The following SMAP2 variants were observed in gnomAD, a reference collection of about 807,000 sequenced individuals.
The protein encoded by SMAP2 is stromal membrane-associated protein 2.
SMAP2 carries 25 observed loss-of-function variants against 56.4 expected under a neutral mutation model. That is an observed-to-expected ratio of 0.44 (90% CI 0.32 to 0.62). The LOEUF (loss-of-function observed/expected upper bound fraction) is 0.62. SMAP2 is among the 20% of genes least tolerant of loss of function. The pLI, the probability that SMAP2 is intolerant of heterozygous loss-of-function variation, is 0.04. For missense variants in SMAP2, 388 were observed against 545.6 expected, an observed-to-expected ratio of 0.71 and a Z score of 2.88; for synonymous variants, 157 against 181.7, an observed-to-expected ratio of 0.86 and a Z score of 1.09.
At chr1:40,382,291 A>C (rs754401688) in intron 1 of SMAP2, among the ~76,000 whole-genome samples, 1 of 152,024 alleles carries the variant, frequency 6.6e-6, no homozygotes, top group South Asian at 2.1e-4. Context: ...GCGACATTCT[A>C]CTTGTTATGT....
At position 40,408,702 on chromosome 1, in the gene SMAP2, A is replaced by T; in HGVS notation, c.287A>T (p.Tyr96Phe). 1 of 1,614,014 alleles carries T rather than the reference A, an allele frequency of 6.2e-7. No homozygotes were observed. Among genetic ancestry groups the T allele is most frequent in the East Asian group, 2.2e-5 (1 of 44,882 alleles). The change falls in exon 3 of 10, where the codon TAT becomes TTT. Residue 96 changes from tyrosine (Y) to phenylalanine (F), a missense_variant. Coordinates refer to ENST00000372718, the MANE Select transcript of SMAP2 (RefSeq NM_022733.3). This position sits in a 1 kb window ranked among gnomAD's most constrained non-coding sequence, Gnocchi z 4.3. Reference protein sequence around the residue: ...NGKANRLYEAYLPETFRRPQI... With the variant: ...NGKANRLYEAFLPETFRRPQI... ...AAGGCAAACCGACTTTATGAAGCCT[A>T]TCTTCCTGAGACCTTTCGGCGACCT...
chr1:40,348,505 G>A (rs914732116), intron 1 of SMAP2, among the ~76,000 whole-genome samples: 2 of 152,064 alleles, frequency 1.3e-5, no homozygotes, highest in African/African-American at 4.8e-5. Context: ...GACCAGCCTG[G>A]CCAACACGGT....
rs185740980 is a variant in SMAP2, at chr1:40,348,421, A to G, written c.-83+3511A>G. On this transcript the variant is annotated intron_variant, in intron 1 of 6. Coordinates refer to the SMAP2 transcript ENST00000435168. ...GTTGAAATATAATTTTAGGCCAGGC[A>G]CAGTGGCTCACGCCTGTAATCCTAG... is the stretch of plus-strand genomic sequence containing the variant. Among the ~76,000 whole-genome samples the G allele has an allele frequency of 5.0e-4, 76 of 152,044 alleles. No individual in the cohort carries two copies. In the East Asian group the frequency reaches 0.014, roughly 28 times the overall value.
chr1:40,398,716 C>T (rs1191069303), intron 1 of SMAP2, among the ~76,000 whole-genome samples: 1 of 152,166 alleles, frequency 6.6e-6, no homozygotes, highest in East Asian at 1.9e-4. Context: ...GTTGCCCAGG[C>T]TGGCCTCAAA....
chr1:40,373,108 G>C (rs992987397), upstream of SMAP2, among the ~76,000 whole-genome samples: 3 of 152,176 alleles, frequency 2.0e-5, no homozygotes, highest in African/African-American at 4.8e-5. Context: ...GCTGTTTTGT[G>C]AGAATTTAAG....
chr1:40,355,827 G>A (rs1644432887), intron 1 of SMAP2, among the ~76,000 whole-genome samples: 1 of 151,460 alleles, frequency 6.6e-6, no homozygotes, highest in Non-Finnish European at 1.5e-5. Context: ...CAAGGTTGCT[G>A]TGGAACTCCT....
chr1:40,386,166 A>G lies in SMAP2; in HGVS notation c.103+11943A>G, dbSNP rs1056889820. On this transcript the variant is annotated intron_variant, in intron 1 of 9. Coordinates refer to ENST00000372718, the MANE Select transcript of SMAP2 (RefSeq NM_022733.3). This position sits in a 1 kb window ranked among gnomAD's most constrained non-coding sequence, Gnocchi z 4.1. The stretch of plus-strand genomic sequence containing the variant: ...TTCTTACCATGATGCTTTTGTTCAA[A>G]ATAGCTGAAAACAGCAGAGCTGACG... Among the ~76,000 whole-genome samples the G allele has an allele frequency of 1.3e-5, 2 of 152,206 alleles. No individual in the cohort carries two copies. The highest frequency in any genetic ancestry group is 2.4e-5 in the African/African-American group (1 of 41,434).
At chr1:40,414,027 TTTTG>T (rs1405332105) in intron 5 of SMAP2, 128 bp from the exon 6 acceptor site, 1 of 740,754 alleles carries the variant, frequency 1.3e-6, no homozygotes, top group African/African-American at 1.8e-5. Context: ...ACTTCCTGAG[TTTTG>T]TTTCTTTGGT....
intron 9 of SMAP2, among the ~76,000 whole-genome samples, chr1:40,417,462 A>G (rs1645001028): frequency 6.6e-6 from 1 of 152,192 alleles, no homozygotes; most frequent in African/African-American, 2.4e-5. Flanking sequence ...CAATGGGCAT[A>G]TAAACACCAA....
rs927594660 is a variant in SMAP2, at chr1:40,374,855, C to G, written c.103+632C>G. 1.3e-6 allele frequency: 2 copies of G among 1,530,598 alleles called. No homozygotes were observed. Among genetic ancestry groups the G allele is most frequent in the Non-Finnish European group, 1.8e-6 (2 of 1,136,592 alleles). The allele number at this position is 1,530,598 out of a possible 1,614,324, so 94.8% of individuals were successfully genotyped here. ...TTATGCAGTGACACAGTGCGGATTT[C>G]TAGGCAGTGTAGCCCTGGCTTGTAG... On this transcript the variant is annotated intron_variant, in intron 1 of 9. Coordinates refer to ENST00000372718, the MANE Select transcript of SMAP2 (RefSeq NM_022733.3). The surrounding 1 kb of genome is among the most constrained non-coding windows in gnomAD (Gnocchi z 5.9).
intron 1 of SMAP2, chr1:40,393,568 C>G: frequency 1.6e-6 from 2 of 1,241,560 alleles, no homozygotes; most frequent in Non-Finnish European, 2.1e-6. Context: ...TTTTTTGTGA[C>G]AGAGTCTTGC....
At chr1:40,344,976 TTCTC>T (rs767313273) in intron 1 of SMAP2, 1 of 139,898 alleles carries the variant, frequency 7.1e-6, no homozygotes, top group Non-Finnish European at 1.6e-5. Context: ...CTTTCTTTCT[TTCTC>T]TTTCTTTTTC....
intron 1 of SMAP2, among the ~76,000 whole-genome samples, chr1:40,377,423 C>T (rs1644551410): frequency 6.6e-6 from 1 of 152,138 alleles, no homozygotes; most frequent in African/African-American, 2.4e-5. Flanking sequence ...TTTCTGGGAC[C>T]ACTAAACCAT....
At chr1:40,353,062 A>C (rs1275074963) in intron 1 of SMAP2, among the ~76,000 whole-genome samples, 2 of 152,198 alleles carry the variant, frequency 1.3e-5, no homozygotes, top group African/African-American at 4.8e-5. Context: ...AGCCATGTCC[A>C]GCACCCATCT....
intron 1 of SMAP2, among the ~76,000 whole-genome samples, chr1:40,345,807 G>GA (rs1458970267): frequency 6.8e-6 from 1 of 147,598 alleles, no homozygotes; most frequent in Non-Finnish European, 1.5e-5. Context: ...GAAAGGAGGG[G>GA]AAGGTATTAT....
intron 1 of SMAP2, among the ~76,000 whole-genome samples, chr1:40,348,171 T>A (rs542853937): frequency 3.9e-5 from 6 of 152,214 alleles, no homozygotes; most frequent in South Asian, 4.1e-4. Context: ...TAAAACATTT[T>A]AAAAAATCCT....
At chr1:40,349,628 C>T (rs1005725121) in intron 1 of SMAP2, among the ~76,000 whole-genome samples, 1 of 152,172 alleles carries the variant, frequency 6.6e-6, no homozygotes, top group East Asian at 1.9e-4. Flanking sequence ...AAGTGATTCT[C>T]GTGCCTCAGC....
chr1:40,414,480 C>T (rs993011214), intron 6 of SMAP2, among the ~76,000 whole-genome samples: 4 of 152,358 alleles, frequency 2.6e-5, no homozygotes, highest in African/African-American at 7.2e-5. Context: ...GAGCCAGTGT[C>T]GCTCTGTGTT....
intron 1 of SMAP2, among the ~76,000 whole-genome samples, chr1:40,394,989 A>G (rs1223761049): frequency 1.3e-5 from 2 of 152,168 alleles, no homozygotes; most frequent in African/African-American, 2.4e-5. Context: ...TGGCATCTAT[A>G]TACACAGTTT....
Sources: allele counts gnomAD v4.1 joint callset (sites outside exome capture counted in the v4.1 genomes callset), GRCh38; gene constraint gnomAD v4.1.1; non-coding constraint Gnocchi (gnomAD v3.1); transcripts MANE v1.5; gene names NCBI Gene and HGNC (gene_info 2026-07-23, HGNC 2026-07-21).